Variants in CPEB4 observed in about 807,000 individuals in gnomAD.
CPEB4 encodes cytoplasmic polyadenylation element binding protein 4.
A neutral mutation model predicts 72.5 loss-of-function variants in CPEB4; 12 were observed. That is an observed-to-expected ratio of 0.17 (90% CI 0.11 to 0.27). CPEB4 has a LOEUF of 0.27. Among genes scored for constraint, CPEB4 ranks in the 10% least tolerant of loss-of-function variants. CPEB4 has a pLI of 1.00. For synonymous variants in CPEB4, 302 were observed against 326.3 expected (o/e 0.93, Z 0.80); for missense variants, 614 against 908.5 (o/e 0.68, Z 4.17).
intron 2 of CPEB4, among the ~76,000 whole-genome samples, chr5:173,917,391 A>G (rs1455185173): frequency 6.6e-6 from 1 of 152,212 alleles, no homozygotes; most frequent in African/African-American, 2.4e-5. Context: ...TTAGATGGAC[A>G]TTTTCCTTTA....
At chr5:173,895,734 T>C (rs1317231737) in intron 1 of CPEB4, among the ~76,000 whole-genome samples, 5 of 152,170 alleles carry the variant, frequency 3.3e-5, no homozygotes, top group African/African-American at 9.7e-5. Context: ...AGAACTGACA[T>C]ATTGGAAAAA....
chr5:173,919,698 G>A (rs752700557), intron 2 of CPEB4, among the ~76,000 whole-genome samples: 3 of 152,172 alleles, frequency 2.0e-5, no homozygotes, highest in Non-Finnish European at 4.4e-5. Flanking sequence ...GGGAGGGGAA[G>A]AAATGCCACC....
At chr5:173,917,640 C>T (rs558142488) in intron 2 of CPEB4, among the ~76,000 whole-genome samples, 3 of 152,162 alleles carry the variant, frequency 2.0e-5, no homozygotes, top group Non-Finnish European at 4.4e-5. Context: ...GCAGGAGAAC[C>T]GCTTGAACCT....
chr5:173,942,565 T>A (rs979420330), intron 3 of CPEB4, among the ~76,000 whole-genome samples: 11 of 152,370 alleles, frequency 7.2e-5, no homozygotes, highest in Non-Finnish European at 1.3e-4. Context: ...TTTTCTCTTA[T>A]AAGGGATTAA....
intron 1 of CPEB4, chr5:173,891,475 A>G (rs1755807854): frequency 6.6e-6 from 1 of 152,178 alleles, no homozygotes; most frequent in Non-Finnish European, 1.5e-5. Flanking sequence ...GAAATGATCT[A>G]AATGTTTTCT....
intron 2 of CPEB4, among the ~76,000 whole-genome samples, chr5:173,912,739 G>C (rs530245748): frequency 1.3e-4 from 20 of 150,342 alleles, no homozygotes; most frequent in African/African-American, 4.4e-4. Context: ...TTCAAGACCA[G>C]TCTGGGCAAG....
At chr5:173,954,784 G>T (rs914302252) in intron 9 of CPEB4, among the ~76,000 whole-genome samples, 1 of 152,136 alleles carries the variant, frequency 6.6e-6, no homozygotes, top group Non-Finnish European at 1.5e-5. Context: ...CTGAATTTGT[G>T]TTCCTCTGCA....
Position 173,900,637 on chromosome 5 carries a change from T to C in CPEB4, c.1125+9779T>C, listed in dbSNP as rs535657926. On this transcript the variant is annotated intron_variant, in intron 1 of 9. Coordinates refer to ENST00000265085, the MANE Select transcript of CPEB4 (RefSeq NM_030627.4). The surrounding 1 kb of genome is among the most constrained non-coding windows in gnomAD (Gnocchi z 4.4). ...TCTTATACTGATAGTTTTGGGGTCATAGGTTTGAACATATTTTGATTATCT... is the reference window on the plus strand; with the variant it reads ...TCTTATACTGATAGTTTTGGGGTCACAGGTTTGAACATATTTTGATTATCT... 3.4e-4 allele frequency among the ~76,000 whole-genome samples: 52 copies of C among 152,338 alleles called. No individual in the cohort carries two copies. The Middle Eastern group carries it at 0.01, about 30-fold the overall frequency.
intron 2 of CPEB4, among the ~76,000 whole-genome samples, chr5:173,925,182 A>T (rs113313060): frequency 3.9e-5 from 6 of 152,318 alleles, no homozygotes; most frequent in African/African-American, 1.4e-4. Flanking sequence ...TGATGTGGGA[A>T]GGGAAATGGC....
intron 2 of CPEB4, 32 bp downstream of exon 2, chr5:173,910,636 G>T (rs1225404930): frequency 7.4e-7 from 1 of 1,343,592 alleles, no homozygotes; most frequent in Non-Finnish European, 1.1e-6. Flanking sequence ...ATTGATTTCA[G>T]ACAATAGTTT....
chr5:173,924,677 C>G (rs950168640), intron 2 of CPEB4, among the ~76,000 whole-genome samples: 1 of 152,234 alleles, frequency 6.6e-6, no homozygotes. Context: ...GGAATTATCT[C>G]TGTTTTCCTG....
chr5:173,947,190 T>C (rs1272087394), intron 5 of CPEB4, among the ~76,000 whole-genome samples: 1 of 152,224 alleles, frequency 6.6e-6, no homozygotes, highest in African/African-American at 2.4e-5. Context: ...TTGAAATGTA[T>C]TTTTCCATAA....
At chr5:173,932,048 A>C (rs6869682) in intron 2 of CPEB4, among the ~76,000 whole-genome samples, 21,534 of 152,238 alleles carry the variant, frequency 0.14, 2,160 homozygotes, top group African/African-American at 0.28. Context: ...ACATGTAGGC[A>C]TAAGCCTGGC....
chr5:173,910,882 A>T (rs912539801), intron 2 of CPEB4: 17 of 302,702 alleles, frequency 5.6e-5, no homozygotes, highest in Middle Eastern at 9.2e-4. Flanking sequence ...CCTTATTATT[A>T]TTTTTTTTAT....
At position 173,956,419 on chromosome 5, in the gene CPEB4, T is replaced by C. The variant is rs1581174608; in HGVS notation, c.*282T>C. On this transcript the variant is annotated 3_prime_UTR_variant, in exon 10 of 10. Transcript: ENST00000265085. ...AGGATCCAAACTTCCTGCAACATTT[T>C]CTTAGAGGAGAGAGAGAAATATTAA... 8.9e-6 allele frequency: 3 copies of C among 335,926 alleles called. No homozygotes were observed. In the East Asian group the frequency reaches 1.5e-4, roughly 17 times the overall value. 20.8% of individuals were successfully genotyped at this position (335,926 alleles called of 1,614,324 possible).
chr5:173,899,529 A>C (rs138151405), intron 1 of CPEB4, among the ~76,000 whole-genome samples: 129 of 152,268 alleles, frequency 8.5e-4, no homozygotes, highest in African/African-American at 2.9e-3. Context: ...TCTGTAACAT[A>C]GAAAAATAAG....
chr5:173,927,452 T>C (rs1265248447), intron 2 of CPEB4, among the ~76,000 whole-genome samples: 1 of 152,138 alleles, frequency 6.6e-6, no homozygotes, highest in Non-Finnish European at 1.5e-5. Context: ...TGTTGCTTTG[T>C]AGCTACAAAT....
intron 5 of CPEB4, among the ~76,000 whole-genome samples, chr5:173,947,133 A>G (rs558675319): frequency 6.6e-6 from 1 of 151,634 alleles, no homozygotes; most frequent in African/African-American, 2.4e-5. Flanking sequence ...CTGCCCTATT[A>G]TCAGGTCTTA....
chr5:173,901,368 A>G (rs991125454), intron 1 of CPEB4, among the ~76,000 whole-genome samples: 1 of 152,238 alleles, frequency 6.6e-6, no homozygotes, highest in Admixed American at 6.5e-5. Context: ...GTTAGACTCT[A>G]CCTTCATTAC....
Sources: allele counts gnomAD v4.1 joint callset (sites outside exome capture counted in the v4.1 genomes callset), GRCh38; gene constraint gnomAD v4.1.1; non-coding constraint Gnocchi (gnomAD v3.1); transcripts MANE v1.5; gene names NCBI Gene and HGNC (gene_info 2026-07-23, HGNC 2026-07-21).